PSMD1: variants seen among roughly 807,000 people sequenced by gnomAD.
The protein encoded by PSMD1 is proteasome 26S subunit, non-ATPase 1.
In PSMD1, 18 loss-of-function variants were observed where a neutral mutation model predicts 119.0. The observed-to-expected ratio is 0.15, with a 90% CI of 0.10 to 0.22. The LOEUF (loss-of-function observed/expected upper bound fraction) is 0.22. Among genes scored for constraint, PSMD1 ranks in the 10% least tolerant of loss-of-function variants. PSMD1 has a pLI of 1.00. For synonymous variants in PSMD1, 374 were observed against 396.6 expected (o/e 0.94, Z 0.68); for missense variants, 702 against 1,158.5 (o/e 0.61, Z 5.72).
intron 16 of PSMD1, among the ~76,000 whole-genome samples, chr2:231,114,358 C>T (rs1574741921): frequency 6.6e-6 from 1 of 152,046 alleles, no homozygotes; most frequent in Non-Finnish European, 1.5e-5. Context: ...TGACAAAAAG[C>T]GTATTAGAAT....
intron 18 of PSMD1, among the ~76,000 whole-genome samples, chr2:231,151,298 T>C (rs1000824419): frequency 2.0e-5 from 3 of 152,124 alleles, no homozygotes; most frequent in African/African-American, 7.2e-5. Flanking sequence ...TGCTTGTCTT[T>C]TTAGTCTTCA....
At chr2:231,091,872 C>T (rs1694604629) in intron 16 of PSMD1, among the ~76,000 whole-genome samples, 1 of 152,314 alleles carries the variant, frequency 6.6e-6, no homozygotes, top group East Asian at 1.9e-4. Flanking sequence ...CACAGATACA[C>T]TTATGCTCCC....
At chr2:231,132,958 G>T (rs1341826272) in intron 16 of PSMD1, among the ~76,000 whole-genome samples, 1 of 152,216 alleles carries the variant, frequency 6.6e-6, no homozygotes, top group South Asian at 2.1e-4. Context: ...TCCTAGGTAT[G>T]TCAATGAATT....
chr2:231,070,287 A>G (rs544302193), intron 6 of PSMD1, 119 bp downstream of exon 6: 1 of 815,700 alleles, frequency 1.2e-6, no homozygotes. Context: ...ATCTCAGCTG[A>G]TCTTCACAGC....
intron 19 of PSMD1, among the ~76,000 whole-genome samples, chr2:231,158,676 C>T (rs1696566004): frequency 6.6e-6 from 1 of 152,196 alleles, no homozygotes; most frequent in South Asian, 2.1e-4. Context: ...AGGTTAGTTA[C>T]TATGTCTTAG....
intron 16 of PSMD1, among the ~76,000 whole-genome samples, chr2:231,096,898 G>A (rs867847548): frequency 1.3e-5 from 2 of 152,218 alleles, no homozygotes; most frequent in Non-Finnish European, 2.9e-5. Flanking sequence ...GAATGAGTTA[G>A]GGTGGAGCAG....
intron 12 of PSMD1, among the ~76,000 whole-genome samples, chr2:231,082,219 C>T (rs897730418): frequency 2.6e-5 from 4 of 152,162 alleles, no homozygotes; most frequent in South Asian, 2.1e-4. Context: ...TGCACCACCA[C>T]GCCCAGCTAA....
At chr2:231,171,664 C>A (rs1696914448) in intron 24 of PSMD1, among the ~76,000 whole-genome samples, 1 of 148,054 alleles carries the variant, frequency 6.8e-6, no homozygotes, top group Admixed American at 6.9e-5. Flanking sequence ...TCAAGCGATT[C>A]TCCTGCCTCA....
chr2:231,156,589 T>G (rs1220136994), intron 19 of PSMD1, among the ~76,000 whole-genome samples: 1 of 152,176 alleles, frequency 6.6e-6, no homozygotes, highest in Admixed American at 6.5e-5. Context: ...TTGAATTTAT[T>G]GAAAGTTTTT....
chr2:231,156,816 TTTG>T (rs1372070989), intron 19 of PSMD1, among the ~76,000 whole-genome samples: 1 of 152,158 alleles, frequency 6.6e-6, no homozygotes, highest in Non-Finnish European at 1.5e-5. Context: ...CTTATCATTT[TTTG>T]TTATGAGAAA....
intron 16 of PSMD1, among the ~76,000 whole-genome samples, chr2:231,104,655 T>G (rs1407154931): frequency 1.3e-5 from 2 of 152,132 alleles, no homozygotes; most frequent in Non-Finnish European, 2.9e-5. Flanking sequence ...AATTCCAAAA[T>G]GTTTAATAAA....
rs564532149 is a variant in PSMD1 at position 231,151,600 on chromosome 2, C to T, written c.2116-1964C>T. ...GAATGCTTTTCTATTGTTTTGGGTACAATTTTAAATTTAAATTTTCCCTAT... is the reference window on the plus strand; with the variant it reads ...GAATGCTTTTCTATTGTTTTGGGTATAATTTTAAATTTAAATTTTCCCTAT... On this transcript the variant is annotated intron_variant, in intron 18 of 24. Transcript: ENST00000308696. 3.3e-5 allele frequency among the ~76,000 whole-genome samples: 5 copies of T among 150,792 alleles called. No individual in the cohort carries two copies. The East Asian group carries it at 9.7e-4, about 29-fold the overall frequency.
chr2:231,168,560 A>C (rs1236996835), intron 23 of PSMD1, among the ~76,000 whole-genome samples: 1 of 152,222 alleles, frequency 6.6e-6, no homozygotes, highest in Non-Finnish European at 1.5e-5. Context: ...AAGACTGCAT[A>C]TGGTCTGGTT....
At chr2:231,110,192 C>T (rs770820661) in intron 16 of PSMD1, among the ~76,000 whole-genome samples, 5 of 151,934 alleles carry the variant, frequency 3.3e-5, no homozygotes, top group Admixed American at 2.6e-4. Flanking sequence ...TGGTGGCACG[C>T]GCCTGTACTC....
intron 16 of PSMD1, among the ~76,000 whole-genome samples, chr2:231,095,757 C>T (rs550094568): frequency 2.2e-4 from 33 of 152,302 alleles, no homozygotes; most frequent in Middle Eastern, 6.8e-3. Flanking sequence ...CTTGAGGAAT[C>T]GCTGCGGGGG....
chr2:231,123,911 A>ACGCCTGTAATCCC, intron 16 of PSMD1: 1 of 696,530 alleles, frequency 1.4e-6, no homozygotes, highest in Non-Finnish European at 2.6e-6. Context: ...AAAAAAATTC[A>ACGCCTGTAATCCC]AGTTCTCTAA....
intron 16 of PSMD1, among the ~76,000 whole-genome samples, chr2:231,106,337 A>G (rs1273949209): frequency 2.0e-5 from 3 of 152,162 alleles, no homozygotes; most frequent in Non-Finnish European, 4.4e-5. Context: ...TGTAAGCAAG[A>G]GCTAGACATG....
intron 16 of PSMD1, among the ~76,000 whole-genome samples, chr2:231,113,418 G>A (rs550973440): frequency 3.3e-5 from 5 of 152,284 alleles, no homozygotes; most frequent in African/African-American, 9.6e-5. Flanking sequence ...TATCTGTTGG[G>A]AAATATGAAG....
intron 19 of PSMD1, among the ~76,000 whole-genome samples, chr2:231,157,975 T>C (rs910773969): frequency 6.6e-6 from 1 of 152,122 alleles, no homozygotes; most frequent in African/African-American, 2.4e-5. Context: ...GTGCTGCAAC[T>C]GCGTTAGAAA....
Sources: allele counts gnomAD v4.1 joint callset (sites outside exome capture counted in the v4.1 genomes callset), GRCh38; gene constraint gnomAD v4.1.1; transcripts MANE v1.5; gene names NCBI Gene and HGNC (gene_info 2026-07-23, HGNC 2026-07-21).